The following COL4A3 variants were observed in gnomAD, a reference collection of about 807,000 sequenced individuals.
COL4A3 encodes the protein collagen type IV alpha 3 chain.
A neutral mutation model predicts 217.4 loss-of-function variants in COL4A3; 135 were observed. The observed-to-expected ratio is 0.62, with a 90% confidence interval of 0.54 to 0.72. The LOEUF (loss-of-function observed/expected upper bound fraction) is 0.72. Among genes scored for constraint, COL4A3 ranks in the 30% least tolerant of loss-of-function variants. The pLI, the probability that COL4A3 is intolerant of heterozygous loss-of-function variation, is 0.00. For synonymous variants in COL4A3, 690 were observed against 736.3 expected (o/e 0.94, Z 1.02); for missense variants, 1,868 against 2,119.9 (o/e 0.88, Z 2.33).
At chr2:227,266,042 C>A (rs1044597721) in intron 21 of COL4A3, 2 of 237,168 alleles carry the variant, frequency 8.4e-6, no homozygotes, top group Non-Finnish European at 1.7e-5. Context: ...ATTAAATTAC[C>A]TCCCACCAGG....
At chr2:227,291,295 G>T (rs1258190251) in intron 37 of COL4A3, among the ~76,000 whole-genome samples, 1 of 152,112 alleles carries the variant, frequency 6.6e-6, no homozygotes, top group Non-Finnish European at 1.5e-5. Flanking sequence ...CGGGCGCGGT[G>T]GCTCACGCCT....
intron 1 of COL4A3, among the ~76,000 whole-genome samples, chr2:227,232,505 C>T (rs1425325839): frequency 6.6e-6 from 1 of 152,028 alleles, no homozygotes; most frequent in Non-Finnish European, 1.5e-5. Context: ...TACAAGGGTC[C>T]CCTTTTCTCT....
intron 15 of COL4A3, among the ~76,000 whole-genome samples, chr2:227,255,406 T>A (rs2070093526): frequency 6.6e-6 from 1 of 152,222 alleles, no homozygotes; most frequent in Non-Finnish European, 1.5e-5. Context: ...GTTAAATCTC[T>A]AAAAGTTATA....
At chr2:227,187,413 G>T (rs2066072541) in intron 1 of COL4A3, among the ~76,000 whole-genome samples, 1 of 152,172 alleles carries the variant, frequency 6.6e-6, no homozygotes, top group South Asian at 2.1e-4. Flanking sequence ...CAGGGGAGAA[G>T]TACAGCAGCA....
intron 34 of COL4A3, among the ~76,000 whole-genome samples, chr2:227,288,294 A>C (rs1423666991): frequency 6.6e-6 from 1 of 152,102 alleles, no homozygotes; most frequent in Non-Finnish European, 1.5e-5. Flanking sequence ...ACAGGGTTTC[A>C]CCATGTTGGC....
intron 1 of COL4A3, among the ~76,000 whole-genome samples, chr2:227,187,662 T>C (rs994029661): frequency 6.6e-6 from 1 of 152,216 alleles, no homozygotes; most frequent in African/African-American, 2.4e-5. Context: ...CATTGTCCCT[T>C]CCACAGTGGG....
Position 227,202,744 on chromosome 2 carries a change from AAAATATATATAT to A in COL4A3, c.88-35222_88-35211del, listed in dbSNP as rs1321606307. On this transcript the variant is annotated intron_variant, in intron 1 of 51. Transcript: ENST00000396578. ...TGCGAGAATCCGTCTCTAAAAAAAA[AAAATATATATAT>A]ATATATATATATATATCACATATAT... Among the ~76,000 whole-genome samples the A allele has an allele frequency of 1.4e-3, 92 of 66,814 alleles. 3 individuals carry two copies. Among genetic ancestry groups the A allele is most frequent in the East Asian group, 9.6e-3 (31 of 3,246 alleles). 43.8% of individuals were successfully genotyped at this position (66,814 alleles called of 152,430 possible).
chr2:227,222,142 AATAATAATAATAATAATAATAATG>A (rs1428428002), intron 1 of COL4A3, among the ~76,000 whole-genome samples: 1 of 79,218 alleles, frequency 1.3e-5, no homozygotes, highest in African/African-American at 4.0e-5. Context: ...TAATAATAAT[AATAATAATAATAATAATAATAATG>A]ATAATGATAA....
In COL4A3 at chr2:227,253,764, C is replaced by G. The variant is rs1463465046; in HGVS notation, c.765+126C>G. 4.8e-6 allele frequency: 4 copies of G among 840,998 alleles called. No individual in the cohort carries two copies. The East Asian group carries it at 9.7e-5, about 20-fold the overall frequency. 52.1% of individuals were successfully genotyped at this position (840,998 alleles called of 1,614,324 possible). A position where few individuals can be genotyped will look rare whatever the true frequency, so the allele number is the denominator to read the frequency against. ...AGCTCAGCCCAGCTCCCTCAGCCAG[C>G]CAGAACCTCCAGGATTGATTCCTTC... On this transcript the variant is annotated intron_variant, in intron 13 of 51. Coordinates refer to ENST00000396578, the MANE Select transcript of COL4A3 (RefSeq NM_000091.5). The surrounding 1 kb of genome is among the most constrained non-coding windows in gnomAD (Gnocchi z 4.4).
At chr2:227,175,044 G>A (rs924407271) in intron 1 of COL4A3, among the ~76,000 whole-genome samples, 4 of 152,180 alleles carry the variant, frequency 2.6e-5, no homozygotes, top group African/African-American at 9.7e-5. Flanking sequence ...TTTGGTAGAG[G>A]TGGTCAGGGA....
rs1313680959 is a variant in COL4A3, at chr2:227,256,354, C to T, written c.945C>T (p.Gly315=). ...GTTCTTTTCTTTAGGGAGTCAAGGG[C>T]AACAGGGGTTTCCCTGGGTTAATGG... is the stretch of plus-strand genomic sequence containing the variant. The part of the protein sequence containing the change: ...PGFPGSEGVK[G]NRGFPGLMGE... Residue 315 remains glycine, a synonymous_variant, in exon 17 of 52, where the codon GGC becomes GGT. Transcript: ENST00000396578. The T allele has an allele frequency of 1.2e-6, 2 of 1,613,558 alleles. No individual in the cohort carries two copies. The highest frequency in any genetic ancestry group is 1.7e-6 in the Non-Finnish European group (2 of 1,179,542).
chr2:227,305,003 G>C lies in COL4A3; in HGVS notation c.4172G>C (p.Gly1391Ala), dbSNP rs758237901. Reference protein sequence around the residue: ...PGNLGPCGPRGKPGKDGKPGT... With the variant: ...PGNLGPCGPRAKPGKDGKPGT... Reference sequence around the variant, plus strand: ...TGCCTAGGACCCTGTGGGCCAAGAGGTAAGCCAGGCAAGGATGGAAAACCA... The same window carrying C: ...TGCCTAGGACCCTGTGGGCCAAGAGCTAAGCCAGGCAAGGATGGAAAACCA... Residue 1391 changes from glycine to alanine, a missense_variant, in exon 47 of 52, where the codon GGT becomes GCT. By Grantham distance (60) the Gly-to-Ala change is moderately conservative. Coordinates refer to ENST00000396578, the MANE Select transcript of COL4A3 (RefSeq NM_000091.5). The C allele has an allele frequency of 6.2e-7, 1 of 1,613,944 alleles. No individual in the cohort carries two copies. Among genetic ancestry groups the C allele is most frequent in the Non-Finnish European group, 8.5e-7 (1 of 1,179,910 alleles).
intron 43 of COL4A3, among the ~76,000 whole-genome samples, chr2:227,302,157 AAG>A (rs905637568): frequency 1.4e-4 from 21 of 152,276 alleles, no homozygotes; most frequent in African/African-American, 5.1e-4. Context: ...GCCTCACAAG[AAG>A]AGAGCACCTC....
chr2:227,309,943 TATAAG>T (rs1164756590), intron 50 of COL4A3, among the ~76,000 whole-genome samples: 1 of 152,170 alleles, frequency 6.6e-6, no homozygotes, highest in Non-Finnish European at 1.5e-5. Flanking sequence ...GCCTATTTTT[TATAAG>T]ATAACTGCTT....
In COL4A3 at chr2:227,164,884, G is replaced by T; in HGVS notation, c.87+71G>T. The T allele has an allele frequency of 1.4e-6, 2 of 1,392,786 alleles. No homozygotes were observed. The highest frequency in any genetic ancestry group is 6.4e-5 in the Admixed American group (2 of 31,470). The allele number at this position is 1,392,786 out of a possible 1,614,324, so 86.3% of individuals were successfully genotyped here. On this transcript the variant is annotated intron_variant, in intron 1 of 51. Transcript: ENST00000396578. This position sits in a 1 kb window ranked among gnomAD's most constrained non-coding sequence, Gnocchi z 4.8. ...CTCCACGCGTCCGGGGGACGCGCTG[G>T]CCCCACCCGCAGCGGCGCGGTAGTG...
intron 32 of COL4A3, among the ~76,000 whole-genome samples, chr2:227,283,075 C>T (rs2072083523): frequency 6.6e-6 from 1 of 152,142 alleles, no homozygotes; most frequent in East Asian, 1.9e-4. Context: ...TTTTCTATTT[C>T]TTCTGGAGTC....
chr2:227,290,780 C>T lies in COL4A3; in HGVS notation c.3104C>T (p.Pro1035Leu), dbSNP rs761396322. 4 of 1,613,358 alleles carry T rather than the reference C, an allele frequency of 2.5e-6. No individual in the cohort carries two copies. The highest frequency in any genetic ancestry group is 3.4e-6 in the Non-Finnish European group (4 of 1,179,912). Residue 1035 changes from proline to leucine, a missense_variant, in exon 37 of 52, where the codon CCA becomes CTA. Transcript: ENST00000396578. ...GGAAAAAGGGGAACTTTGGGATTCCCAGGTCGAGCAGGAAGACCAGGCCTC... is the reference window on the plus strand; with the variant it reads ...GGAAAAAGGGGAACTTTGGGATTCCTAGGTCGAGCAGGAAGACCAGGCCTC... ...SKGKRGTLGF[P>L]GRAGRPGLPG... is the part of the protein sequence containing the mutation.
rs1468070875 is a variant in COL4A3 at position 227,284,256 on chromosome 2, G to A, written c.2792G>A (p.Gly931Glu). ...GTAAAGGGCCAGAGAGGAACCCCAG[G>A]AGCCAAGGGGGAACAAGGAGATAAA... ...PGVKGQRGTP[G>E]AKGEQGDKGN... Residue 931 changes from glycine (G) to glutamate (E), a missense_variant, in exon 34 of 52, where the codon GGA becomes GAA. Physicochemically the swap from Gly to Glu is moderately conservative, Grantham distance 98. Transcript: ENST00000396578. 3 of 1,614,068 alleles carry A rather than the reference G, an allele frequency of 1.9e-6. No individual in the cohort carries two copies. The highest frequency in any genetic ancestry group is 2.2e-5 in the South Asian group (2 of 91,066).
At chr2:227,294,300 A>T (rs950453873) in intron 38 of COL4A3, 190 bp from the exon 39 acceptor site, 2 of 625,476 alleles carry the variant, frequency 3.2e-6, no homozygotes, top group Non-Finnish European at 5.8e-6. Flanking sequence ...AAGTGATTAG[A>T]CACATCTCTG....
Sources: allele counts gnomAD v4.1 joint callset (sites outside exome capture counted in the v4.1 genomes callset), GRCh38; gene constraint gnomAD v4.1.1; non-coding constraint Gnocchi (gnomAD v3.1); transcripts MANE v1.5; gene names NCBI Gene and HGNC (gene_info 2026-07-23, HGNC 2026-07-21).